Variants in ABTB2 observed in about 807,000 individuals in gnomAD.
ABTB2 encodes the protein ankyrin repeat and BTB domain containing 2.
A neutral mutation model predicts 104.1 loss-of-function variants in ABTB2; 56 were observed. That is an observed-to-expected ratio of 0.54 (90% CI 0.43 to 0.67). The LOEUF (loss-of-function observed/expected upper bound fraction) is 0.67, where lower values mean the gene tolerates loss of function less well. Ranked by LOEUF, ABTB2 falls within the 30% of genes least tolerant of loss-of-function variation. The probability of loss-of-function intolerance (pLI) is 0.00; values close to 1 mark genes in which losing one functional copy is unlikely to be tolerated. For synonymous variants in ABTB2, 606 were observed against 608.2 expected, an observed-to-expected ratio of 1.00 and a Z score of 0.05; for missense variants, 1,279 against 1,407.7, an observed-to-expected ratio of 0.91 and a Z score of 1.46.
At chr11:34,282,483 C>T (rs527792190) in intron 1 of ABTB2, among the ~76,000 whole-genome samples, 1 of 152,204 alleles carries the variant, frequency 6.6e-6, no homozygotes, top group South Asian at 2.1e-4. Context: ...ACACAAACTC[C>T]AAGCAGTGAG....
In ABTB2 at chr11:34,160,360, GGA is replaced by G. The variant is rs1160299899; in HGVS notation, c.2398-9_2398-8del. 1.9e-6 allele frequency: 3 copies of G among 1,610,052 alleles called. No individual in the cohort carries two copies. Among genetic ancestry groups the G allele is most frequent in the African/African-American group, 1.3e-5 (1 of 74,850 alleles). ...GCTGGATGACGGAGTCGTTCTGTGG[GGA>G]GAGGAGAGAGGGCCTGTGAGCTGCC... On this transcript the variant is annotated splice_polypyrimidine_tract_variant and splice_region_variant and intron_variant, in intron 11 of 16. Transcript: ENST00000435224.
intron 1 of ABTB2, among the ~76,000 whole-genome samples, chr11:34,275,939 C>G (rs982662750): frequency 1.3e-5 from 2 of 152,166 alleles, no homozygotes; most frequent in African/African-American, 4.8e-5. Flanking sequence ...GGAAGTCACA[C>G]AACAGGGCCA....
intron 1 of ABTB2, among the ~76,000 whole-genome samples, chr11:34,246,847 C>CTTTTTTTTT (rs199831054): frequency 1.7e-5 from 2 of 118,284 alleles, no homozygotes; most frequent in African/African-American, 6.4e-5. Context: ...TTTCTTTTTT[C>CTTTTTTTTT]TTTTTTTTTT....
chr11:34,333,385 A>G (rs1855155251), intron 1 of ABTB2, among the ~76,000 whole-genome samples: 1 of 152,180 alleles, frequency 6.6e-6, no homozygotes, highest in South Asian at 2.1e-4. Context: ...ATCCCAATCT[A>G]TACTAAAGGA....
rs190605967 is a variant in ABTB2, at chr11:34,204,189, C to T, written c.1030+355G>A. Reference sequence around the variant, plus strand: ...GTTGTGAATTCAGAGCCTGTGGGGCCAGGCAGGTGAAATTAATGAAACAGC... The same window carrying T: ...GTTGTGAATTCAGAGCCTGTGGGGCTAGGCAGGTGAAATTAATGAAACAGC... On this transcript the variant is annotated intron_variant, in intron 2 of 16. Transcript: ENST00000435224. Among the ~76,000 whole-genome samples, 4 of 152,238 alleles carry T rather than the reference C, an allele frequency of 2.6e-5. No homozygotes were observed. The East Asian group carries it at 7.7e-4, about 29-fold the overall frequency.
chr11:34,325,590 A>G (rs1266915120), intron 1 of ABTB2, among the ~76,000 whole-genome samples: 1 of 152,220 alleles, frequency 6.6e-6, no homozygotes, highest in Non-Finnish European at 1.5e-5. Context: ...TATTACTATT[A>G]CTACTCTTAC....
intron 1 of ABTB2, among the ~76,000 whole-genome samples, chr11:34,320,315 G>A (rs1254468691): frequency 1.3e-5 from 2 of 152,156 alleles, no homozygotes; most frequent in Non-Finnish European, 2.9e-5. Flanking sequence ...TCTTAAGGAT[G>A]TTACCCTTGG....
chr11:34,264,568 G>T (rs893710994), intron 1 of ABTB2, among the ~76,000 whole-genome samples: 44 of 152,194 alleles, frequency 2.9e-4, no homozygotes, highest in African/African-American at 1.1e-3. Flanking sequence ...GAGTTGGGTG[G>T]TTACTTTGTC....
chr11:34,350,724 C>T (rs1017881741), intron 1 of ABTB2, among the ~76,000 whole-genome samples: 1 of 152,162 alleles, frequency 6.6e-6, no homozygotes, highest in Non-Finnish European at 1.5e-5. Context: ...AGACCTATAA[C>T]AAGTGTTGTT....
chr11:34,225,897 C>G (rs895368403), intron 1 of ABTB2, among the ~76,000 whole-genome samples: 1 of 151,522 alleles, frequency 6.6e-6, no homozygotes, highest in Non-Finnish European at 1.5e-5. Context: ...TTCCAAGTAA[C>G]TATAGGTTTT....
At chr11:34,163,185 GT>G (rs1852747949) in intron 9 of ABTB2, among the ~76,000 whole-genome samples, 3 of 152,174 alleles carry the variant, frequency 2.0e-5, no homozygotes, top group African/African-American at 4.8e-5. Flanking sequence ...TGGGGCTTAT[GT>G]GAGGCTGATG....
At chr11:34,301,322 TG>T (rs1322632389) in intron 1 of ABTB2, among the ~76,000 whole-genome samples, 1 of 152,166 alleles carries the variant, frequency 6.6e-6, no homozygotes, top group Non-Finnish European at 1.5e-5. Context: ...AAAAAAAAAT[TG>T]TGTTTTCAGG....
intron 1 of ABTB2, among the ~76,000 whole-genome samples, chr11:34,290,833 T>C (rs968131559): frequency 6.6e-6 from 1 of 152,354 alleles, no homozygotes; most frequent in Admixed American, 6.5e-5. Flanking sequence ...CAGACAGGCC[T>C]AATAGCTAAA....
intron 1 of ABTB2, among the ~76,000 whole-genome samples, chr11:34,220,470 G>A (rs1361534866): frequency 6.6e-6 from 1 of 152,208 alleles, no homozygotes; most frequent in Admixed American, 6.5e-5. Flanking sequence ...CTCTCTGGCT[G>A]GCAGGGCTTT....
chr11:34,173,778 A>T (rs1271834264), intron 3 of ABTB2, among the ~76,000 whole-genome samples: 1 of 150,752 alleles, frequency 6.6e-6, no homozygotes, highest in Non-Finnish European at 1.5e-5. Flanking sequence ...AGTCTCACAG[A>T]CCCAGGTCCA....
chr11:34,274,231 C>G (rs1040600883), intron 1 of ABTB2, among the ~76,000 whole-genome samples: 1 of 142,108 alleles, frequency 7.0e-6, no homozygotes, highest in African/African-American at 2.6e-5. Context: ...TAAGGACTTA[C>G]TTTGCGTGGA....
At chr11:34,355,552 G>C (rs1855455804) in intron 1 of ABTB2, among the ~76,000 whole-genome samples, 1 of 152,120 alleles carries the variant, frequency 6.6e-6, no homozygotes, top group South Asian at 2.1e-4. Flanking sequence ...CACATTAAGG[G>C]TTATTTTGCA....
At chr11:34,201,565 C>G (rs2982596) in intron 2 of ABTB2, among the ~76,000 whole-genome samples, 151,786 of 152,352 alleles carry the variant, frequency 1, 75,613 homozygotes, top group Middle Eastern at 1. Context: ...TATCTGGCAG[C>G]CTGATGTTGG....
chr11:34,177,838 A>G lies in ABTB2; in HGVS notation c.1245-4531T>C, dbSNP rs562578226. On this transcript the variant is annotated intron_variant, in intron 3 of 16. Transcript: ENST00000435224. Reference sequence around the variant, plus strand: ...CAACCTCGGCCCCCAAAATGCTGGGATTACAGGCATGAGGCACCGTGCCTG... The same window carrying G: ...CAACCTCGGCCCCCAAAATGCTGGGGTTACAGGCATGAGGCACCGTGCCTG... Among the ~76,000 whole-genome samples the G allele has an allele frequency of 3.0e-4, 45 of 152,202 alleles. 1 individual carries two copies. The highest frequency in any genetic ancestry group is 1.1e-3 in the African/African-American group (45 of 41,524).
Sources: allele counts gnomAD v4.1 joint callset (sites outside exome capture counted in the v4.1 genomes callset), GRCh38; gene constraint gnomAD v4.1.1; transcripts MANE v1.5; gene names NCBI Gene and HGNC (gene_info 2026-07-23, HGNC 2026-07-21).